KALRN: variants seen among roughly 807,000 people sequenced by gnomAD.
KALRN encodes kalirin.
In KALRN, 70 loss-of-function variants were observed where a neutral mutation model predicts 353.7. That is an observed-to-expected ratio of 0.20 (90% CI 0.16 to 0.24). The LOEUF (loss-of-function observed/expected upper bound fraction) is 0.24, where lower values mean the gene tolerates loss of function less well. Among genes scored for constraint, KALRN ranks in the 10% least tolerant of loss-of-function variants. KALRN has a pLI of 1.00. For synonymous variants in KALRN, 1,391 were observed against 1,434.8 expected (o/e 0.97, Z 0.69); for missense variants, 2,791 against 3,756.7 (o/e 0.74, Z 6.72).
intron 50 of KALRN, among the ~76,000 whole-genome samples, chr3:124,679,055 C>T (rs1323434063): frequency 6.6e-6 from 1 of 152,178 alleles, no homozygotes; most frequent in East Asian, 1.9e-4. Context: ...TGATCATCTA[C>T]CTGGAACTTT....
intron 52 of KALRN, 116 bp from the exon 53 acceptor site, chr3:124,694,216 T>C: frequency 1.0e-6 from 1 of 992,246 alleles, no homozygotes; most frequent in Non-Finnish European, 1.5e-6. Context: ...ATACTGAAGG[T>C]TATTTGAATC....
At chr3:124,667,215 G>A (rs1257583584) in intron 47 of KALRN, 32 bp downstream of exon 47, 3 of 1,592,384 alleles carry the variant, frequency 1.9e-6, no homozygotes, top group Non-Finnish European at 2.6e-6. Context: ...TTGCAGGGCT[G>A]TGTCAGGGGA....
chr3:124,374,554 A>G (rs1369205209), intron 10 of KALRN: 2 of 152,240 alleles, frequency 1.3e-5, no homozygotes, highest in African/African-American at 2.4e-5. Context: ...AAACCCTCTG[A>G]TTTGGTCACC....
intron 1 of KALRN, among the ~76,000 whole-genome samples, chr3:124,168,597 C>T (rs2071244936): frequency 6.6e-6 from 1 of 152,156 alleles, no homozygotes; most frequent in Non-Finnish European, 1.5e-5. Context: ...CTCAGTGATA[C>T]CACTTTCTTT....
intron 1 of KALRN, among the ~76,000 whole-genome samples, chr3:124,187,118 T>C (rs1560179765): frequency 6.6e-6 from 1 of 152,184 alleles, no homozygotes; most frequent in Non-Finnish European, 1.5e-5. Context: ...ACTCACTCTG[T>C]CGCCCAGGCT....
chr3:124,712,899 A>G (rs2062960883), intron 57 of KALRN, 36 bp from the exon 58 acceptor site: 1 of 1,477,712 alleles, frequency 6.8e-7, no homozygotes, highest in Admixed American at 1.7e-5. Flanking sequence ...TAGTTAATTA[A>G]TGAATGTTGG....
chr3:124,115,012 C>G (rs1476893835), intron 1 of KALRN, among the ~76,000 whole-genome samples: 1 of 152,066 alleles, frequency 6.6e-6, no homozygotes, highest in Non-Finnish European at 1.5e-5. Context: ...AAGACATTAC[C>G]CAGTTAGAAA....
chr3:124,528,233 G>A (rs867328077), intron 33 of KALRN, among the ~76,000 whole-genome samples: 1 of 152,138 alleles, frequency 6.6e-6, no homozygotes, highest in Non-Finnish European at 1.5e-5. Context: ...AGAAAGTCCC[G>A]GTTTGCTTTA....
At chr3:124,165,053 G>A (rs1578840199) in intron 1 of KALRN, among the ~76,000 whole-genome samples, 1 of 152,278 alleles carries the variant, frequency 6.6e-6, no homozygotes, top group South Asian at 2.1e-4. Flanking sequence ...AGAGTTTCTA[G>A]GTTTCTCGTA....
chr3:124,231,958 T>C (rs2079207699), intron 2 of KALRN, among the ~76,000 whole-genome samples: 1 of 152,228 alleles, frequency 6.6e-6, no homozygotes, highest in Non-Finnish European at 1.5e-5. Context: ...TCCACCTACC[T>C]ACCATGATTA....
chr3:124,718,854 G>T, intron 59 of KALRN, 71 bp from the exon 60 acceptor site: 1 of 1,326,370 alleles, frequency 7.5e-7, no homozygotes, highest in South Asian at 1.3e-5. Flanking sequence ...GAATTAATGA[G>T]GTATTTTGAG....
At chr3:124,217,102 G>T (rs751680813) in intron 1 of KALRN, among the ~76,000 whole-genome samples, 10 of 152,136 alleles carry the variant, frequency 6.6e-5, no homozygotes, top group Non-Finnish European at 1.2e-4. Context: ...TCCCCCATGT[G>T]TACCTCTATA....
chr3:124,155,489 G>C, intron 1 of KALRN, among the ~76,000 whole-genome samples: 1 of 152,176 alleles, frequency 6.6e-6, no homozygotes, highest in East Asian at 1.9e-4. Flanking sequence ...GACAGGATCA[G>C]AGGTCTAGAA....
intron 34 of KALRN, among the ~76,000 whole-genome samples, chr3:124,608,454 G>A (rs1207824647): frequency 6.6e-6 from 1 of 152,174 alleles, no homozygotes; most frequent in African/African-American, 2.4e-5. Context: ...CTGATAAGTA[G>A]AGGGCAGCTG....
chr3:124,320,746 T>A (rs148651981), intron 6 of KALRN, among the ~76,000 whole-genome samples: 1 of 152,334 alleles, frequency 6.6e-6, no homozygotes, highest in East Asian at 1.9e-4. Context: ...AGAAAGCACC[T>A]TATTGGCTGA....
chr3:124,384,651 A>C, intron 10 of KALRN, 194 bp from the exon 11 acceptor site: 1 of 491,074 alleles, frequency 2.0e-6, no homozygotes, highest in Non-Finnish European at 3.6e-6. Flanking sequence ...TGAGGCACCT[A>C]GCTGGTGCCC....
At chr3:124,064,087 G>A (rs559883384) in intron 1 of KALRN, among the ~76,000 whole-genome samples, 2 of 152,158 alleles carry the variant, frequency 1.3e-5, no homozygotes, top group Non-Finnish European at 2.9e-5. Flanking sequence ...CCCATGTTAA[G>A]GATTGAGGAT....
chr3:124,446,831 A>C lies in KALRN; in HGVS notation c.3498A>C (p.Thr1166=), dbSNP rs571601922. The C allele has an allele frequency of 4.0e-5, 64 of 1,614,110 alleles. No homozygotes were observed. The South Asian group carries it at 6.7e-4, about 17-fold the overall frequency. ...CACATACCTCCACTGGAGAGACCACAGAGGAGACTCAGGAACTGCTGAAAG... is the reference window on the plus strand; with the variant it reads ...CACATACCTCCACTGGAGAGACCACCGAGGAGACTCAGGAACTGCTGAAAG... ...LSTHTSTGET[T]EETQELLKEY... Residue 1166 remains threonine (T), a synonymous_variant, in exon 21 of 60, where the codon ACA becomes ACC. Transcript: ENST00000682506.
intron 1 of KALRN, among the ~76,000 whole-genome samples, chr3:124,134,895 C>T (rs777535020): frequency 4.6e-5 from 7 of 152,254 alleles, no homozygotes; most frequent in Non-Finnish European, 5.9e-5. Context: ...GGCGTGGATG[C>T]GGTGATCAGG....
Sources: allele counts gnomAD v4.1 joint callset (sites outside exome capture counted in the v4.1 genomes callset), GRCh38; gene constraint gnomAD v4.1.1; transcripts MANE v1.5; gene names NCBI Gene and HGNC (gene_info 2026-07-23, HGNC 2026-07-21).